The following THEMIS variants were observed in gnomAD, a reference collection of about 807,000 sequenced individuals.
The protein encoded by THEMIS is thymocyte selection associated, also known as protein THEMIS.
In THEMIS, 37 loss-of-function variants were observed where a neutral mutation model predicts 52.6. The observed-to-expected ratio is 0.70, with a 90% CI of 0.54 to 0.93. The LOEUF (loss-of-function observed/expected upper bound fraction) is 0.93, where lower values mean the gene tolerates loss of function less well. Ranked by LOEUF, THEMIS falls within the 40% of genes least tolerant of loss-of-function variation. THEMIS has a pLI of 0.00. For synonymous variants in THEMIS, 292 were observed against 272.7 expected, an observed-to-expected ratio of 1.07 and a Z score of -0.70; for missense variants, 808 against 763.1, an observed-to-expected ratio of 1.06 and a Z score of -0.69.
At chr6:127,870,169 A>G (rs1780113881) in intron 1 of THEMIS, among the ~76,000 whole-genome samples, 1 of 152,190 alleles carries the variant, frequency 6.6e-6, no homozygotes, top group African/African-American at 2.4e-5. Flanking sequence ...TCTACTGAAA[A>G]ATCAGGGACT....
chr6:127,723,277 T>C (rs988711188), intron 4 of THEMIS, among the ~76,000 whole-genome samples: 3 of 152,024 alleles, frequency 2.0e-5, no homozygotes, highest in Non-Finnish European at 4.4e-5. Context: ...TCAACTTGTT[T>C]TACCTGCCAG....
upstream of THEMIS, among the ~76,000 whole-genome samples, chr6:127,905,500 T>C (rs1781245630): frequency 6.6e-6 from 1 of 151,870 alleles, no homozygotes; most frequent in Non-Finnish European, 1.5e-5. Context: ...CTATAAAGGG[T>C]GTTCTGCAGG....
At chr6:127,852,805 T>C (rs1256397104) in intron 2 of THEMIS, among the ~76,000 whole-genome samples, 2 of 151,560 alleles carry the variant, frequency 1.3e-5, no homozygotes, top group Admixed American at 6.6e-5. Context: ...AGGAGTTCTC[T>C]TTGAAGAAAG....
At chr6:127,734,963 G>T (rs900111667) in intron 4 of THEMIS, among the ~76,000 whole-genome samples, 3 of 141,254 alleles carry the variant, frequency 2.1e-5, no homozygotes, top group African/African-American at 5.2e-5. Context: ...ATATATGTGT[G>T]TGTGTATATG....
chr6:127,734,896 A>AATATATAT (rs1295073194), intron 4 of THEMIS, among the ~76,000 whole-genome samples: 95 of 65,428 alleles, frequency 1.5e-3, no homozygotes, highest in Non-Finnish European at 1.9e-3. Flanking sequence ...AAAAAAAAAA[A>AATATATAT]ATATATATAT....
intron 2 of THEMIS, among the ~76,000 whole-genome samples, chr6:127,852,896 T>C (rs1345917070): frequency 6.6e-6 from 1 of 151,550 alleles, no homozygotes; most frequent in African/African-American, 2.4e-5. Flanking sequence ...TTTATAAACA[T>C]CATTTTCAAA....
At chr6:127,906,200 A>C (rs1781265790) in intron 1 of THEMIS, among the ~76,000 whole-genome samples, 1 of 151,536 alleles carries the variant, frequency 6.6e-6, no homozygotes, top group Non-Finnish European at 1.5e-5. Flanking sequence ...TAAGACATTA[A>C]GCAAAAGAAA....
At chr6:127,906,630 CA>C (rs1781275672) in intron 1 of THEMIS, among the ~76,000 whole-genome samples, 1 of 151,790 alleles carries the variant, frequency 6.6e-6, no homozygotes, top group African/African-American at 2.4e-5. Context: ...AAAGAAAATG[CA>C]TTTCACATTA....
intron 4 of THEMIS, among the ~76,000 whole-genome samples, chr6:127,808,511 T>A (rs1777795063): frequency 6.6e-6 from 1 of 152,212 alleles, no homozygotes; most frequent in Non-Finnish European, 1.5e-5. Context: ...CCTAAAGACA[T>A]TATTTCTGCA....
intron 3 of THEMIS, among the ~76,000 whole-genome samples, chr6:127,822,077 A>G (rs570121648): frequency 1.4e-4 from 22 of 151,980 alleles, no homozygotes; most frequent in African/African-American, 5.3e-4. Flanking sequence ...TTTGTCATTT[A>G]CTTTCTAAGA....
intron 1 of THEMIS, among the ~76,000 whole-genome samples, chr6:127,899,729 G>T (rs931607275): frequency 2.0e-5 from 3 of 151,384 alleles, no homozygotes; most frequent in African/African-American, 7.2e-5. Context: ...CAAACCATGA[G>T]ACAAAAAATG....
intron 4 of THEMIS, among the ~76,000 whole-genome samples, chr6:127,805,560 T>C (rs1777673984): frequency 1.3e-5 from 2 of 152,222 alleles, no homozygotes; most frequent in South Asian, 4.1e-4. Context: ...TTACGTTTTT[T>C]ACTTTTCAAA....
At chr6:127,875,122 C>T (rs1190285211) in intron 1 of THEMIS, among the ~76,000 whole-genome samples, 1 of 152,238 alleles carries the variant, frequency 6.6e-6, no homozygotes, top group Non-Finnish European at 1.5e-5. Context: ...TCTGCCCCTG[C>T]AATCAATGGA....
At chr6:127,786,796 CT>C (rs902506527) in intron 4 of THEMIS, among the ~76,000 whole-genome samples, 5 of 151,940 alleles carry the variant, frequency 3.3e-5, no homozygotes, top group East Asian at 3.9e-4. Flanking sequence ...AAAAAGAAAT[CT>C]TTTTTTTAAG....
chr6:127,909,246 G>C (rs1281560854), intron 1 of THEMIS, among the ~76,000 whole-genome samples: 1 of 152,018 alleles, frequency 6.6e-6, no homozygotes, highest in Non-Finnish European at 1.5e-5. Context: ...CCACTAGACT[G>C]AGTCGGGGAA....
intron 1 of THEMIS, among the ~76,000 whole-genome samples, chr6:127,860,327 T>C (rs270037): frequency 0.37 from 55,795 of 151,976 alleles, 10,871 homozygotes; most frequent in Middle Eastern, 0.48. Context: ...AGTTGGACAC[T>C]AGATATAGCA....
chr6:127,745,829 A>G (rs1775370018), intron 4 of THEMIS, among the ~76,000 whole-genome samples: 1 of 151,884 alleles, frequency 6.6e-6, no homozygotes, highest in African/African-American at 2.4e-5. Flanking sequence ...TGCACTCACA[A>G]AAGACCTGCT....
intron 1 of THEMIS, among the ~76,000 whole-genome samples, chr6:127,908,851 C>G (rs1781342342): frequency 6.6e-6 from 1 of 151,700 alleles, no homozygotes; most frequent in African/African-American, 2.4e-5. Context: ...GAGAGAAACT[C>G]AAAGATGCCA....
At chr6:127,745,865 A>G (rs1775371676) in intron 4 of THEMIS, among the ~76,000 whole-genome samples, 1 of 151,868 alleles carries the variant, frequency 6.6e-6, no homozygotes, top group South Asian at 2.1e-4. Flanking sequence ...TGAGAATCAT[A>G]CCTGTGAATT....
Sources: allele counts gnomAD v4.1 joint callset (sites outside exome capture counted in the v4.1 genomes callset), GRCh38; gene constraint gnomAD v4.1.1; transcripts MANE v1.5; gene names NCBI Gene and HGNC (gene_info 2026-07-23, HGNC 2026-07-21).